SCAPER: variants seen among roughly 807,000 people sequenced by gnomAD.
The protein encoded by SCAPER is S phase cyclin A-associated protein in the endoplasmic reticulum.
Under a neutral mutation model 182.2 loss-of-function variants are expected in SCAPER, and 98 were observed. The observed-to-expected ratio is 0.54, with a 90% confidence interval of 0.46 to 0.64. The LOEUF (loss-of-function observed/expected upper bound fraction) is 0.64, where lower values mean the gene tolerates loss of function less well. SCAPER is among the 30% of genes least tolerant of loss of function. The pLI, the probability that SCAPER is intolerant of heterozygous loss-of-function variation, is 0.00. For synonymous variants in SCAPER, 605 were observed against 564.6 expected, an observed-to-expected ratio of 1.07 and a Z score of -1.01; for missense variants, 1,432 against 1,690.0, an observed-to-expected ratio of 0.85 and a Z score of 2.68.
At chr15:76,752,661 G>A (rs1215023369) in intron 15 of SCAPER, among the ~76,000 whole-genome samples, 1 of 151,686 alleles carries the variant, frequency 6.6e-6, no homozygotes, top group Non-Finnish European at 1.5e-5. Context: ...TTTACAAGAG[G>A]TACTTACAGT....
At chr15:76,495,181 ATT>A (rs1020885963) in intron 24 of SCAPER, among the ~76,000 whole-genome samples, 1 of 151,856 alleles carries the variant, frequency 6.6e-6, no homozygotes, top group Admixed American at 6.6e-5. Flanking sequence ...TACCAGAGCA[ATT>A]TTTTCTTAAT....
At chr15:76,873,324 A>G (rs1041951241) in intron 2 of SCAPER, among the ~76,000 whole-genome samples, 24 of 116,866 alleles carry the variant, frequency 2.1e-4, no homozygotes, top group Non-Finnish European at 3.6e-4. Flanking sequence ...GAAGGAAGGA[A>G]GGAAGGAAGG....
intron 25 of SCAPER, among the ~76,000 whole-genome samples, chr15:76,465,568 A>G (rs1208369722): frequency 6.6e-6 from 1 of 152,072 alleles, no homozygotes; most frequent in East Asian, 1.9e-4. Context: ...GAAGCTTTTT[A>G]GTTTAATGTA....
chr15:76,828,236 A>C, intron 5 of SCAPER, among the ~76,000 whole-genome samples: 1 of 150,486 alleles, frequency 6.6e-6, no homozygotes, highest in East Asian at 1.9e-4. Flanking sequence ...TATAATATAT[A>C]ATTATTTTAT....
At chr15:76,881,304 C>T (rs2073522425) in intron 2 of SCAPER, among the ~76,000 whole-genome samples, 1 of 152,156 alleles carries the variant, frequency 6.6e-6, no homozygotes, top group East Asian at 1.9e-4. Context: ...CCATGTTGGC[C>T]AAGCTGGTCT....
intron 24 of SCAPER, among the ~76,000 whole-genome samples, chr15:76,496,444 C>T (rs1032534430): frequency 2.0e-5 from 3 of 151,968 alleles, no homozygotes; most frequent in Admixed American, 6.6e-5. Context: ...AGAATATGAG[C>T]GGTACTGTTA....
At chr15:76,879,233 A>G (rs778932352) in intron 2 of SCAPER, among the ~76,000 whole-genome samples, 1 of 152,172 alleles carries the variant, frequency 6.6e-6, no homozygotes, top group Non-Finnish European at 1.5e-5. Context: ...CTGCCCCTCT[A>G]TAATGCACAT....
intron 25 of SCAPER, among the ~76,000 whole-genome samples, chr15:76,452,034 T>C (rs2048400865): frequency 6.6e-6 from 1 of 152,212 alleles, no homozygotes; most frequent in Non-Finnish European, 1.5e-5. Flanking sequence ...CTCTTCTCTC[T>C]GTCTCATTCT....
intron 29 of SCAPER, among the ~76,000 whole-genome samples, chr15:76,375,321 A>T (rs990396247): frequency 6.6e-6 from 1 of 151,926 alleles, no homozygotes; most frequent in Non-Finnish European, 1.5e-5. Flanking sequence ...AAATAATTAA[A>T]GCAGTTTAAA....
intron 20 of SCAPER, among the ~76,000 whole-genome samples, chr15:76,670,244 T>C (rs2056915003): frequency 6.6e-6 from 1 of 151,960 alleles, no homozygotes; most frequent in Admixed American, 6.6e-5. Context: ...AAGTATATTC[T>C]TCCAGACATT....
intron 5 of SCAPER, among the ~76,000 whole-genome samples, chr15:76,817,251 C>G (rs937763548): frequency 1.3e-5 from 2 of 152,090 alleles, no homozygotes; most frequent in African/African-American, 2.4e-5. Context: ...AAAGGAGATC[C>G]TGACATTTGC....
chr15:76,704,896 A>G (rs1385770945), intron 18 of SCAPER, among the ~76,000 whole-genome samples: 6 of 152,150 alleles, frequency 3.9e-5, no homozygotes, highest in Non-Finnish European at 5.9e-5. Context: ...TCAGGAAACA[A>G]CAGGTGCTGG....
chr15:76,869,412 C>T (rs1021998989), intron 2 of SCAPER, among the ~76,000 whole-genome samples: 4 of 151,916 alleles, frequency 2.6e-5, no homozygotes, highest in African/African-American at 9.7e-5. Context: ...CAACAACTCA[C>T]TAGCAAAACA....
intron 4 of SCAPER, among the ~76,000 whole-genome samples, chr15:76,845,761 C>T (rs1242387846): frequency 1.3e-5 from 2 of 151,858 alleles, no homozygotes; most frequent in Admixed American, 6.6e-5. Flanking sequence ...TTAAAATGTC[C>T]ATAATATCCA....
intron 17 of SCAPER, among the ~76,000 whole-genome samples, chr15:76,720,452 G>A (rs1430280878): frequency 1.3e-5 from 2 of 152,176 alleles, no homozygotes; most frequent in East Asian, 3.8e-4. Flanking sequence ...CCAGTAATGG[G>A]ACGACTGGGT....
At chr15:76,643,595 T>C (rs896510378) in intron 21 of SCAPER, among the ~76,000 whole-genome samples, 6 of 152,098 alleles carry the variant, frequency 3.9e-5, no homozygotes, top group Admixed American at 1.3e-4. Flanking sequence ...GGCAGGAGAA[T>C]CGCTTGAACT....
At chr15:76,476,204 GT>G (rs1033899808) in intron 24 of SCAPER, among the ~76,000 whole-genome samples, 6 of 152,156 alleles carry the variant, frequency 3.9e-5, no homozygotes, top group Non-Finnish European at 5.9e-5. Flanking sequence ...GGCATAAGTT[GT>G]GCTAATTTCT....
chr15:76,473,907 A>G (rs75545110), intron 24 of SCAPER, among the ~76,000 whole-genome samples: 7,392 of 152,118 alleles, frequency 0.049, 203 homozygotes, highest in South Asian at 0.081. Context: ...GGTTCAAGCT[A>G]TTCTCCCACC....
intron 20 of SCAPER, among the ~76,000 whole-genome samples, chr15:76,670,366 C>T (rs186329641): frequency 1.3e-5 from 2 of 152,002 alleles, no homozygotes; most frequent in African/African-American, 4.8e-5. Flanking sequence ...AATTCTACAA[C>T]ATAAGCTAAC....
Sources: allele counts gnomAD v4.1 joint callset (sites outside exome capture counted in the v4.1 genomes callset), GRCh38; gene constraint gnomAD v4.1.1; transcripts MANE v1.5; gene names NCBI Gene and HGNC (gene_info 2026-07-23, HGNC 2026-07-21).